BCOR: variants seen among roughly 807,000 people sequenced by gnomAD.
The protein encoded by BCOR is BCL6 corepressor, also known as BCL-6 corepressor.
In BCOR, 10 loss-of-function variants were observed where a neutral mutation model predicts 86.7. The observed-to-expected ratio is 0.12, with a 90% CI of 0.07 to 0.20. BCOR has a LOEUF of 0.20. Ranked by LOEUF, BCOR falls within the 10% of genes least tolerant of loss-of-function variation. The pLI is 1.00. For synonymous variants in BCOR, 611 were observed against 609.0 expected, an observed-to-expected ratio of 1.00 and a Z score of -0.05; for missense variants, 1,259 against 1,452.1, an observed-to-expected ratio of 0.87 and a Z score of 2.16.
intron 1 of BCOR, among the ~76,000 whole-genome samples, chrX:40,080,615 A>C (rs1336052755): frequency 2.7e-5 from 3 of 111,301 alleles, no homozygotes; most frequent in Non-Finnish European, 5.7e-5. Context: ...GTCCACCTGG[A>C]CTTAGCAGAA....
At chrX:40,147,134 C>A (rs1250426203) in intron 1 of BCOR, among the ~76,000 whole-genome samples, 1 of 111,147 alleles carries the variant, frequency 9.0e-6, no homozygotes, top group Non-Finnish European at 1.9e-5. Context: ...GCGATCCGCA[C>A]ATGCACGTGC....
intron 1 of BCOR, among the ~76,000 whole-genome samples, chrX:40,088,145 G>A (rs1344631944): frequency 4.5e-5 from 5 of 111,653 alleles, no homozygotes; most frequent in Admixed American, 2.8e-4. Flanking sequence ...ACAGATCCTC[G>A]AAAACAATCA....
chrX:40,171,660 G>A (rs1247915215), intron 1 of BCOR, among the ~76,000 whole-genome samples: 3 of 113,047 alleles, frequency 2.7e-5, no homozygotes. Context: ...CCGCGTGGGC[G>A]CACCCTAAGA....
chrX:40,105,712 G>T (rs1937166631), intron 1 of BCOR, among the ~76,000 whole-genome samples: 1 of 112,343 alleles, frequency 8.9e-6, no homozygotes, highest in African/African-American at 3.2e-5. Context: ...TCGCGGAGGA[G>T]AAAATAGGGC....
chrX:40,073,694 T>C lies in BCOR; in HGVS notation c.1652A>G (p.Asp551Gly), dbSNP rs750934282. Reference protein sequence around the residue: ...SSSCPRMGGTDAVITNVSGSV... With the variant: ...SSSCPRMGGTGAVITNVSGSV... ...CCCTGAAACGTTAGTGATGACAGCA[T>C]CGGTGCCGCCCATGCGCGGGCATGA... Residue 551 changes from aspartate (D) to glycine (G), a missense_variant, in exon 4 of 15, where the codon GAT (aspartate) becomes GGT (glycine). Asp to Gly is a moderately conservative substitution (Grantham distance 94). This residue lies in a region of BCOR where 534 missense variants were observed against 594.8 expected (regional missense o/e 0.90). Coordinates refer to ENST00000378444, the MANE Select transcript of BCOR (RefSeq NM_001123385.2). 7.4e-6 allele frequency: 9 copies of C among 1,211,652 alleles called. No homozygotes were observed. The highest frequency in any genetic ancestry group is 1.0e-5 in the Non-Finnish European group (9 of 895,534).
At chrX:40,075,506 C>G (rs955554113) in intron 3 of BCOR, among the ~76,000 whole-genome samples, 1 of 111,774 alleles carries the variant, frequency 8.9e-6, no homozygotes, top group African/African-American at 3.3e-5. Context: ...GCCTGTAATC[C>G]TACCACTTTG....
At chrX:40,105,125 G>T (rs924248232) in intron 1 of BCOR, among the ~76,000 whole-genome samples, 1 of 111,236 alleles carries the variant, frequency 9.0e-6, no homozygotes, top group Admixed American at 9.3e-5. Context: ...CGGCGAGGAG[G>T]GGGTGCTGGG....
intron 6 of BCOR, among the ~76,000 whole-genome samples, chrX:40,069,480 C>T (rs1602141051): frequency 8.9e-6 from 1 of 112,290 alleles, no homozygotes; most frequent in Admixed American, 9.4e-5. Context: ...CAGATGTGAA[C>T]GGAGGGTCTG....
intron 1 of BCOR, among the ~76,000 whole-genome samples, chrX:40,142,565 G>T (rs1937944468): frequency 9.0e-6 from 1 of 111,560 alleles, no homozygotes. Context: ...TGTCCCCACG[G>T]CCATTTATAC....
chrX:40,092,477 AAAAG>A (rs1380062383), intron 1 of BCOR, among the ~76,000 whole-genome samples: 2 of 110,472 alleles, frequency 1.8e-5, no homozygotes, highest in East Asian at 2.8e-4. Context: ...AAAAAAAAAG[AAAAG>A]AAAGAAAGCA....
At chrX:40,064,783 A>AG (rs1489946280) in intron 6 of BCOR, among the ~76,000 whole-genome samples, 184 bp from the exon 7 acceptor site, 2 of 111,897 alleles carry the variant, frequency 1.8e-5, no homozygotes, top group African/African-American at 6.5e-5. Context: ...TTCCAGAGGG[A>AG]GGGTACATTG....
chrX:40,119,856 C>G (rs1000002376), intron 1 of BCOR, among the ~76,000 whole-genome samples: 2 of 110,625 alleles, frequency 1.8e-5, no homozygotes, highest in African/African-American at 6.6e-5. Flanking sequence ...AAATAATAAA[C>G]CAGGGAGGAA....
intron 4 of BCOR, 80 bp downstream of exon 4, chrX:40,072,269 A>T: frequency 9.5e-7 from 1 of 1,048,282 alleles, no homozygotes; most frequent in Non-Finnish European, 1.3e-6. Context: ...GCCCTGCCCT[A>T]CCATACTCCC....
intron 1 of BCOR, among the ~76,000 whole-genome samples, chrX:40,122,272 C>T (rs1034809197): frequency 6.3e-5 from 7 of 111,242 alleles, no homozygotes; most frequent in Non-Finnish European, 1.3e-4. Flanking sequence ...GACTCCCAAA[C>T]CCCTCACTCT....
chrX:40,102,648 C>G (rs1037964844), upstream of BCOR, among the ~76,000 whole-genome samples: 5 of 113,769 alleles, frequency 4.4e-5, no homozygotes, highest in African/African-American at 1.6e-4. Context: ...GCCTCCGGCC[C>G]CAGCCATTTT....
intron 1 of BCOR, among the ~76,000 whole-genome samples, chrX:40,168,665 G>A (rs1938555488): frequency 8.9e-6 from 1 of 112,691 alleles, no homozygotes; most frequent in Admixed American, 9.3e-5. Flanking sequence ...GGCTCCCCGG[G>A]GGGCTGCCTG....
chrX:40,108,993 C>T (rs753295659), intron 1 of BCOR, among the ~76,000 whole-genome samples: 1 of 113,252 alleles, frequency 8.8e-6, no homozygotes, highest in Non-Finnish European at 1.9e-5. Context: ...GAGCCACCCG[C>T]CTCGACCCGC....
intron 1 of BCOR, among the ~76,000 whole-genome samples, chrX:40,151,073 G>A (rs1938156296): frequency 9.0e-6 from 1 of 111,704 alleles, no homozygotes; most frequent in African/African-American, 3.3e-5. Context: ...GGGCCTCCTG[G>A]TACAAGCATA....
chrX:40,147,548 G>A, intron 1 of BCOR, among the ~76,000 whole-genome samples: 1 of 113,057 alleles, frequency 8.8e-6, no homozygotes, highest in Admixed American at 9.3e-5. Flanking sequence ...TACCCCGCGG[G>A]AAGAGGCCGA....
Sources: allele counts gnomAD v4.1 joint callset (sites outside exome capture counted in the v4.1 genomes callset), GRCh38; gene constraint gnomAD v4.1.1; regional missense constraint gnomAD v4.1.1; transcripts MANE v1.5; gene names NCBI Gene and HGNC (gene_info 2026-07-23, HGNC 2026-07-21).